Variants in NXPH1 observed in about 807,000 individuals in gnomAD.
The protein encoded by NXPH1 is neurexophilin-1.
Under a neutral mutation model 23.7 loss-of-function variants are expected in NXPH1, and 5 were observed. The observed-to-expected ratio is 0.21, with a 90% CI of 0.11 to 0.44. The LOEUF (loss-of-function observed/expected upper bound fraction) is 0.44, where lower values mean the gene tolerates loss of function less well. Among genes scored for constraint, NXPH1 ranks in the 20% least tolerant of loss-of-function variants. The pLI is 0.99. For synonymous variants in NXPH1, 144 were observed against 122.2 expected (o/e 1.18, Z -1.18); for missense variants, 324 against 321.6 (o/e 1.01, Z -0.06).
rs1460390319 is a variant in NXPH1 at position 8,512,872 on chromosome 7, C to T, written c.54+77105C>T. On this transcript the variant is annotated intron_variant, in intron 2 of 2. Transcript: ENST00000405863. Reference sequence around the variant, plus strand: ...CTTAGCAGAAAACCAAATTAGAATTCTAACTACATTCTTAGAAACAGTAAT... The same window carrying T: ...CTTAGCAGAAAACCAAATTAGAATTTTAACTACATTCTTAGAAACAGTAAT... Among the ~76,000 whole-genome samples the T allele has an allele frequency of 1.3e-5, 2 of 152,080 alleles. 1 individual carries two copies. The highest frequency in any genetic ancestry group is 4.8e-5 in the African/African-American group (2 of 41,428).
In NXPH1 at chr7:8,710,640, G is replaced by GGTTTTTTTTT; in HGVS notation, c.55-40368_55-40367insGTTTTTTTTT. ...TTGAACAAAGCATGTCAACTGTTAC[G>GGTTTTTTTTT]TTTTTTGTTTTTTTTTTTTTTTTTT... is the stretch of plus-strand genomic sequence containing the variant. On this transcript the variant is annotated intron_variant, in intron 2 of 2. Coordinates refer to ENST00000405863, the MANE Select transcript of NXPH1 (RefSeq NM_152745.3). 1.4e-4 allele frequency among the ~76,000 whole-genome samples: 4 copies of GGTTTTTTTTT among 27,672 alleles called. 2 individuals carry two copies. Among genetic ancestry groups the GGTTTTTTTTT allele is most frequent in the African/African-American group, 3.2e-4 (2 of 6,236 alleles). The allele number at this position is 27,672 out of a possible 152,430, so 18.2% of individuals were successfully genotyped here.
At chr7:8,697,787 A>T (rs1349550309) in intron 2 of NXPH1, among the ~76,000 whole-genome samples, 4 of 152,206 alleles carry the variant, frequency 2.6e-5, no homozygotes, top group Non-Finnish European at 5.9e-5. Flanking sequence ...AGAGAGCGAG[A>T]AAACTGTAAG....
rs114466019 is a variant in NXPH1 at position 8,694,112 on chromosome 7, A to G, written c.55-56896A>G. Among the ~76,000 whole-genome samples the G allele has an allele frequency of 6.5e-3, 991 of 152,320 alleles. 7 individuals carry two copies. The highest frequency in any genetic ancestry group is 0.023 in the African/African-American group (960 of 41,572). On this transcript the variant is annotated intron_variant, in intron 2 of 2. Coordinates refer to ENST00000405863, the MANE Select transcript of NXPH1 (RefSeq NM_152745.3). Reference sequence around the variant, plus strand: ...CTGGCAAGCCCTGATTGATTAGGACACTCATGATGATCTGTCACTCCTGGA... The same window carrying G: ...CTGGCAAGCCCTGATTGATTAGGACGCTCATGATGATCTGTCACTCCTGGA...
intron 2 of NXPH1, among the ~76,000 whole-genome samples, chr7:8,531,992 A>G (rs1411814167): frequency 2.0e-5 from 3 of 152,150 alleles, no homozygotes; most frequent in African/African-American, 7.2e-5. Context: ...AAATGGAGGT[A>G]CCCTCAATCC....
intron 2 of NXPH1, among the ~76,000 whole-genome samples, chr7:8,471,965 AT>A (rs1452680097): frequency 1.3e-5 from 2 of 151,704 alleles, no homozygotes; most frequent in Non-Finnish European, 2.9e-5. Context: ...TTCATTTATT[AT>A]TTTTTTGATA....
At chr7:8,745,437 G>C (rs971908008) in intron 2 of NXPH1, among the ~76,000 whole-genome samples, 3 of 151,410 alleles carry the variant, frequency 2.0e-5, no homozygotes, top group African/African-American at 4.9e-5. Flanking sequence ...TGGATACCTG[G>C]GGGGTGGGGG....
intron 2 of NXPH1, among the ~76,000 whole-genome samples, chr7:8,479,471 T>C (rs1473228569): frequency 1.3e-5 from 2 of 152,058 alleles, no homozygotes; most frequent in Non-Finnish European, 2.9e-5. Flanking sequence ...GAAGTAAGAG[T>C]ATGAACTCAA....
chr7:8,489,672 C>A (rs1234296247), intron 2 of NXPH1, among the ~76,000 whole-genome samples: 1 of 152,060 alleles, frequency 6.6e-6, no homozygotes, highest in Non-Finnish European at 1.5e-5. Flanking sequence ...GCTCAAGATT[C>A]CTGCTTTGCT....
chr7:8,475,498 C>A (rs937076764), intron 2 of NXPH1, among the ~76,000 whole-genome samples: 2 of 152,026 alleles, frequency 1.3e-5, no homozygotes, highest in African/African-American at 4.8e-5. Context: ...TAAAAAACAA[C>A]AATAGCCATG....
chr7:8,746,610 C>G (rs1314110232), intron 2 of NXPH1, among the ~76,000 whole-genome samples: 1 of 152,122 alleles, frequency 6.6e-6, no homozygotes, highest in Non-Finnish European at 1.5e-5. Context: ...CATTTCAATT[C>G]ATGTTACATT....
In NXPH1 at chr7:8,659,005, ATT is replaced by A. The variant is rs1205362505; in HGVS notation, c.55-91989_55-91988del. Among the ~76,000 whole-genome samples, 95 of 73,222 alleles carry A rather than the reference ATT, an allele frequency of 1.3e-3. 24 individuals carry two copies. The highest frequency in any genetic ancestry group is 2.9e-3 in the African/African-American group (73 of 25,404). 48.0% of individuals were successfully genotyped at this position (73,222 alleles called of 152,430 possible). A position where few individuals can be genotyped will look rare whatever the true frequency, so the allele number is the denominator to read the frequency against. On this transcript the variant is annotated intron_variant, in intron 2 of 2. Transcript: ENST00000405863. Reference sequence around the variant, plus strand: ...TAAGAATATGTATATATATATATATATTTTTTTTTTTTTTTGCTAAAACAGAA... The same window carrying A: ...TAAGAATATGTATATATATATATATATTTTTTTTTTTTTGCTAAAACAGAA...
chr7:8,545,624 ACT>A (rs1370109065), intron 2 of NXPH1, among the ~76,000 whole-genome samples: 2 of 151,416 alleles, frequency 1.3e-5, no homozygotes, highest in African/African-American at 4.8e-5. Context: ...GCTCTTAGCA[ACT>A]CTCTGCTCAG....
At chr7:8,577,876 G>A (rs759329169) in intron 2 of NXPH1, among the ~76,000 whole-genome samples, 16 of 152,160 alleles carry the variant, frequency 1.1e-4, no homozygotes, top group Non-Finnish European at 1.9e-4. Flanking sequence ...GAGGGACTGA[G>A]GCTACTTATC....
At chr7:8,647,392 G>T (rs1820413270) in intron 2 of NXPH1, among the ~76,000 whole-genome samples, 2 of 152,174 alleles carry the variant, frequency 1.3e-5, no homozygotes, top group African/African-American at 4.8e-5. Flanking sequence ...AGAGAGGCAG[G>T]CAGTCCTTCT....
At chr7:8,444,291 A>C (rs920755926) in intron 2 of NXPH1, among the ~76,000 whole-genome samples, 8 of 152,220 alleles carry the variant, frequency 5.3e-5, no homozygotes. Flanking sequence ...GGAACGAATC[A>C]GAAGGTGAAA....
chr7:8,679,066 A>G (rs1315605077), intron 2 of NXPH1, among the ~76,000 whole-genome samples: 61 of 141,798 alleles, frequency 4.3e-4, no homozygotes, highest in Non-Finnish European at 7.3e-4. Flanking sequence ...TCCTGCCTCA[A>G]CCTCCCGAGT....
intron 2 of NXPH1, among the ~76,000 whole-genome samples, chr7:8,438,781 A>T (rs187347057): frequency 5.3e-5 from 8 of 152,318 alleles, no homozygotes; most frequent in Admixed American, 4.6e-4. Flanking sequence ...AATGTTTGCA[A>T]AGTATGTTTC....
chr7:8,658,244 C>G (rs1420632888), intron 2 of NXPH1, among the ~76,000 whole-genome samples: 2 of 152,202 alleles, frequency 1.3e-5, no homozygotes, highest in African/African-American at 2.4e-5. Context: ...TACACTCTCT[C>G]AGTGCCTAAA....
chr7:8,510,113 A>G (rs1027992532), intron 2 of NXPH1, among the ~76,000 whole-genome samples: 1 of 152,086 alleles, frequency 6.6e-6, no homozygotes, highest in Non-Finnish European at 1.5e-5. Flanking sequence ...GGCTGGGAAA[A>G]TTGTTCATAT....
Sources: gnomAD v4.1 joint callset for allele counts (sites outside exome capture counted in the v4.1 genomes callset) on GRCh38, gnomAD v4.1.1 for gene constraint, MANE v1.5 for transcripts, NCBI Gene and HGNC (gene_info 2026-07-23, HGNC 2026-07-21) for gene names.